The following C17orf67 variants were observed in gnomAD, a reference collection of about 807,000 sequenced individuals.
C17orf67 encodes chromosome 17 open reading frame 67, also known as uncharacterized protein C17orf67.
Under a neutral mutation model 11.2 loss-of-function variants are expected in C17orf67, and 12 were observed. The ratio of observed to expected loss-of-function variants is 1.07; its 90% CI spans 0.68 to 1.73. C17orf67 has a LOEUF of 1.73. C17orf67 is among the 40% of genes most tolerant of loss of function. The pLI is 0.00. For missense variants in C17orf67, 115 were observed against 113.5 expected (o/e 1.01, Z -0.06); for synonymous variants, 59 against 46.9 (o/e 1.26, Z -1.05).
intron 6 of C17orf67, among the ~76,000 whole-genome samples, chr17:56,800,465 T>C (rs1311423908): frequency 6.6e-6 from 1 of 152,174 alleles, no homozygotes; most frequent in African/African-American, 2.4e-5. Flanking sequence ...TTCCTTAATA[T>C]GGCTAAGGTC....
intron 6 of C17orf67, among the ~76,000 whole-genome samples, chr17:56,804,592 A>C (rs1205778611): frequency 6.6e-6 from 1 of 152,218 alleles, no homozygotes; most frequent in South Asian, 2.1e-4. Flanking sequence ...AGAGCTAAAC[A>C]TGAAAGCATA....
chr17:56,815,268 T>C (rs1905731119), intron 5 of C17orf67, among the ~76,000 whole-genome samples: 1 of 152,216 alleles, frequency 6.6e-6, no homozygotes, highest in South Asian at 2.1e-4. Context: ...CTGGTCTGTG[T>C]GTCTTAGGTT....
At chr17:56,815,572 A>T (rs964828193) in intron 5 of C17orf67, among the ~76,000 whole-genome samples, 184 bp downstream of exon 5, 3 of 152,178 alleles carry the variant, frequency 2.0e-5, no homozygotes, top group Non-Finnish European at 4.4e-5. Flanking sequence ...ATTTTTAAAA[A>T]ATATATAACA....
chr17:56,828,465 T>C (rs1906100763), intron 2 of C17orf67, among the ~76,000 whole-genome samples: 2 of 152,144 alleles, frequency 1.3e-5, no homozygotes, highest in Admixed American at 1.3e-4. Context: ...GAATATGAAA[T>C]GCAACTAGGA....
chr17:56,795,777 C>A (rs1023097786), intron 6 of C17orf67, among the ~76,000 whole-genome samples: 2 of 152,114 alleles, frequency 1.3e-5, no homozygotes, highest in African/African-American at 4.8e-5. Context: ...GAGAATGAAT[C>A]AATAAATTAT....
intron 7 of C17orf67, among the ~76,000 whole-genome samples, 163 bp from the exon 8 acceptor site, chr17:56,792,515 A>AGTGGTG (rs111716809): frequency 6.9e-4 from 51 of 73,632 alleles, no homozygotes; most frequent in Non-Finnish European, 1.3e-3. Flanking sequence ...TAATGATGAT[A>AGTGGTG]GTGGTGGTGG....
intron 6 of C17orf67, among the ~76,000 whole-genome samples, chr17:56,811,598 G>A (rs1436810713): frequency 6.6e-6 from 1 of 152,070 alleles, no homozygotes; most frequent in Non-Finnish European, 1.5e-5. Flanking sequence ...AGATAACCTC[G>A]TTAGTGAGCC....
At chr17:56,795,399 C>T (rs371238824) in intron 6 of C17orf67, 18 of 535,718 alleles carry the variant, frequency 3.4e-5, no homozygotes, top group African/African-American at 1.9e-4. Context: ...AAGTGCTGAG[C>T]GGGTGGATTT....
At chr17:56,794,884 A>T (rs114619142) in intron 7 of C17orf67, among the ~76,000 whole-genome samples, 160 bp downstream of exon 7, 2,464 of 146,246 alleles carry the variant, frequency 0.017, 82 homozygotes, top group African/African-American at 0.06. Flanking sequence ...CTGGCTCCCC[A>T]CTATGTCTCC....
chr17:56,809,720 T>A (rs1226132457), intron 6 of C17orf67, among the ~76,000 whole-genome samples: 2 of 115,232 alleles, frequency 1.7e-5, no homozygotes, highest in African/African-American at 6.9e-5. Context: ...TCCTCACACA[T>A]ACACCCTCAC....
chr17:56,814,387 C>A (rs1197009220), intron 6 of C17orf67, among the ~76,000 whole-genome samples: 1 of 152,186 alleles, frequency 6.6e-6, no homozygotes, highest in African/African-American at 2.4e-5. Context: ...CATGACCCCA[C>A]AGGGCAGAAG....
At chr17:56,820,767 C>CTT (rs746734939) in intron 4 of C17orf67, among the ~76,000 whole-genome samples, 80 of 122,472 alleles carry the variant, frequency 6.5e-4, no homozygotes, top group African/African-American at 1.0e-3. Flanking sequence ...GTGAGTTTCC[C>CTT]TTTTTTTTTT....
chr17:56,811,475 G>C (rs771202632), intron 6 of C17orf67, among the ~76,000 whole-genome samples: 1 of 152,058 alleles, frequency 6.6e-6, no homozygotes, highest in Non-Finnish European at 1.5e-5. Flanking sequence ...GTTGGAGCTC[G>C]AGACTCTCTT....
chr17:56,828,213 C>T (rs562187588), intron 2 of C17orf67, among the ~76,000 whole-genome samples: 1 of 152,056 alleles, frequency 6.6e-6, no homozygotes, highest in East Asian at 1.9e-4. Flanking sequence ...CTAGACCAGC[C>T]TGACCAACAT....
chr17:56,828,356 G>A (rs941075789), intron 2 of C17orf67, among the ~76,000 whole-genome samples: 2 of 150,898 alleles, frequency 1.3e-5, no homozygotes, highest in African/African-American at 2.4e-5. Context: ...GGTGAGCCGG[G>A]ATCACACCAT....
At chr17:56,816,416 C>A (rs1035653049) in intron 4 of C17orf67, among the ~76,000 whole-genome samples, 1 of 152,166 alleles carries the variant, frequency 6.6e-6, no homozygotes, top group Non-Finnish European at 1.5e-5. Flanking sequence ...TCAGTTTCCT[C>A]CCCTGTCAAA....
intron 2 of C17orf67, among the ~76,000 whole-genome samples, chr17:56,832,311 C>T (rs918912471): frequency 6.6e-6 from 1 of 152,204 alleles, no homozygotes; most frequent in African/African-American, 2.4e-5. Context: ...CCTAAAGTAT[C>T]TTCCTGGGAA....
In C17orf67 at chr17:56,817,018, T is replaced by G. The variant is rs572965438; in HGVS notation, c.-200-1008A>C. On this transcript the variant is annotated intron_variant, in intron 4 of 7. Coordinates refer to ENST00000397861, the MANE Select transcript of C17orf67 (RefSeq NM_001085430.4). ...GCACGCACCACAACACTCAATTAACTTTTTTATTTTTTTATTTTGTAGAGA... is the reference window on the plus strand; with the variant it reads ...GCACGCACCACAACACTCAATTAACGTTTTTATTTTTTTATTTTGTAGAGA... Among the ~76,000 whole-genome samples the G allele has an allele frequency of 3.3e-5, 5 of 152,068 alleles. No homozygotes were observed. In the East Asian group the frequency reaches 9.7e-4, roughly 29 times the overall value.
intron 6 of C17orf67, among the ~76,000 whole-genome samples, chr17:56,797,790 G>A (rs1428707501): frequency 6.6e-6 from 1 of 152,134 alleles, no homozygotes; most frequent in East Asian, 1.9e-4. Context: ...CCAGCCTTTA[G>A]GGCTGGCCTT....
Sources: gnomAD v4.1 joint callset for allele counts (sites outside exome capture counted in the v4.1 genomes callset) on GRCh38, gnomAD v4.1.1 for gene constraint, MANE v1.5 for transcripts, NCBI Gene and HGNC (gene_info 2026-07-23, HGNC 2026-07-21) for gene names.